The following FNDC3B variants were observed in gnomAD, a reference collection of about 807,000 sequenced individuals.
FNDC3B encodes the protein fibronectin type III domain-containing protein 3B.
A neutral mutation model predicts 151.5 loss-of-function variants in FNDC3B; 12 were observed. The ratio of observed to expected loss-of-function variants is 0.08; its 90% confidence interval spans 0.05 to 0.13. The LOEUF (loss-of-function observed/expected upper bound fraction) is 0.13. Among genes scored for constraint, FNDC3B ranks in the 10% least tolerant of loss-of-function variants. FNDC3B has a pLI of 1.00. For missense variants in FNDC3B, 1,214 were observed against 1,505.3 expected (o/e 0.81, Z 3.20); for synonymous variants, 528 against 549.0 (o/e 0.96, Z 0.54).
At chr3:172,345,312 A>T (rs1430813317) in intron 19 of FNDC3B, among the ~76,000 whole-genome samples, 1 of 152,220 alleles carries the variant, frequency 6.6e-6, no homozygotes, top group African/African-American at 2.4e-5. Context: ...TGATGAGCAC[A>T]CTGTTGTGTC....
chr3:172,246,613 A>G (rs1727790269), intron 4 of FNDC3B, among the ~76,000 whole-genome samples: 1 of 152,194 alleles, frequency 6.6e-6, no homozygotes, highest in Non-Finnish European at 1.5e-5. Flanking sequence ...GGAGCTGGGC[A>G]CGGTCGTGCA....
At chr3:172,227,801 C>T (rs1726666101) in intron 4 of FNDC3B, among the ~76,000 whole-genome samples, 3 of 152,176 alleles carry the variant, frequency 2.0e-5, no homozygotes, top group African/African-American at 7.2e-5. Context: ...TGATTATATC[C>T]TTCCAGATGG....
chr3:172,076,670 A>G (rs1050611992), intron 1 of FNDC3B, among the ~76,000 whole-genome samples: 1 of 112,956 alleles, frequency 8.9e-6, no homozygotes, highest in Non-Finnish European at 2.1e-5. Flanking sequence ...ATCAAAATAC[A>G]GAAATATGAA....
At chr3:172,049,442 T>C (rs1393703492) in intron 1 of FNDC3B, among the ~76,000 whole-genome samples, 1 of 152,202 alleles carries the variant, frequency 6.6e-6, no homozygotes, top group Non-Finnish European at 1.5e-5. Flanking sequence ...AGATAATCTA[T>C]CCTGAATAGC....
chr3:172,132,966 T>G (rs1422618365), intron 2 of FNDC3B, among the ~76,000 whole-genome samples: 1 of 152,226 alleles, frequency 6.6e-6, no homozygotes, highest in African/African-American at 2.4e-5. Context: ...CTGTTCATTA[T>G]TGTCTTAAGA....
intron 1 of FNDC3B, among the ~76,000 whole-genome samples, chr3:172,041,588 C>T (rs866271624): frequency 6.0e-5 from 9 of 151,216 alleles, no homozygotes; most frequent in African/African-American, 1.9e-4. Flanking sequence ...GCAGACAGAC[C>T]CGGAAGAAAA....
chr3:172,363,856 T>C (rs1365473047), intron 23 of FNDC3B, among the ~76,000 whole-genome samples: 1 of 152,190 alleles, frequency 6.6e-6, no homozygotes, highest in African/African-American at 2.4e-5. Flanking sequence ...AGAAGCATAG[T>C]ATCAATTTTT....
chr3:172,200,544 A>G (rs1725093244), intron 3 of FNDC3B, among the ~76,000 whole-genome samples: 1 of 152,220 alleles, frequency 6.6e-6, no homozygotes, highest in Admixed American at 6.5e-5. Context: ...TCAATACTTT[A>G]TTATAAAATA....
At chr3:172,145,722 T>G (rs552940675) in intron 3 of FNDC3B, among the ~76,000 whole-genome samples, 1 of 152,308 alleles carries the variant, frequency 6.6e-6, no homozygotes, top group Non-Finnish European at 1.5e-5. Flanking sequence ...TAGGCAATGC[T>G]AGAACTGAGC....
At chr3:172,285,123 A>C (rs1411192984) in intron 6 of FNDC3B, among the ~76,000 whole-genome samples, 1 of 152,084 alleles carries the variant, frequency 6.6e-6, no homozygotes, top group Non-Finnish European at 1.5e-5. Flanking sequence ...ATTAAAAGGC[A>C]CCGTCATCCA....
chr3:172,139,020 G>A (rs1721496099), intron 3 of FNDC3B, among the ~76,000 whole-genome samples: 1 of 152,196 alleles, frequency 6.6e-6, no homozygotes, highest in Non-Finnish European at 1.5e-5. Context: ...CAGTGGCTCT[G>A]TGAATGACAC....
Position 172,397,755 on chromosome 3 carries a change from A to G in FNDC3B, c.*280A>G, listed in dbSNP as rs1736365858. ...CTTATGTTTTCCTTTAAATTTTCAG[A>G]TTTACCTTCATTCTGTTTTCACTGA... On this transcript the variant is annotated 3_prime_UTR_variant, in exon 26 of 26. Coordinates refer to ENST00000415807, the MANE Select transcript of FNDC3B (RefSeq NM_022763.4). 1 of 206,400 alleles carries G rather than the reference A, an allele frequency of 4.8e-6. No homozygotes were observed. Among genetic ancestry groups the G allele is most frequent in the Admixed American group, 5.9e-5 (1 of 16,996 alleles). The allele number at this position is 206,400 out of a possible 1,614,324, so 12.8% of individuals were successfully genotyped here.
At chr3:172,245,011 A>G (rs866064517) in intron 4 of FNDC3B, among the ~76,000 whole-genome samples, 2 of 152,200 alleles carry the variant, frequency 1.3e-5, no homozygotes, top group Non-Finnish European at 2.9e-5. Flanking sequence ...GGGTTTCATT[A>G]TGCATGCACA....
chr3:172,242,575 CCCTTTCAGTCATGACTGGAGT>C (rs1040682136), intron 4 of FNDC3B, among the ~76,000 whole-genome samples: 3 of 152,176 alleles, frequency 2.0e-5, no homozygotes, highest in African/African-American at 4.8e-5. Context: ...GTACCTTGGC[CCCTTTCAGTCATGACTGGAGT>C]GGCTGGGATG....
In FNDC3B at chr3:172,251,295, A is replaced by T. The variant is rs758482752; in HGVS notation, c.544A>T (p.Thr182Ser). The change falls in exon 6 of 26, where the codon ACC becomes TCC. Residue 182 changes from threonine to serine, a missense_variant. Transcript: ENST00000415807. ...IPFYGMSTYITREDQYSKPPH... is the reference protein window; with the variant it reads ...IPFYGMSTYISREDQYSKPPH... ...ATTTTATGGAATGTCAACCTACATC[A>T]CCCGAGAAGACCAGTACAGCAAGCC... The T allele has an allele frequency of 5.6e-6, 9 of 1,613,036 alleles. No individual in the cohort carries two copies. The highest frequency in any genetic ancestry group is 6.8e-6 in the Non-Finnish European group (8 of 1,179,274).
At chr3:172,183,717 T>G (rs1724034138) in intron 3 of FNDC3B, among the ~76,000 whole-genome samples, 1 of 152,196 alleles carries the variant, frequency 6.6e-6, no homozygotes, top group Admixed American at 6.5e-5. Flanking sequence ...TTCAACTATA[T>G]TATAAAATTA....
intron 1 of FNDC3B, among the ~76,000 whole-genome samples, chr3:172,073,945 G>A (rs1488434259): frequency 6.6e-6 from 1 of 151,902 alleles, no homozygotes; most frequent in African/African-American, 2.4e-5. Context: ...TGACCCTTAA[G>A]AAATGTTGTC....
chr3:172,110,128 C>G (rs897977851), intron 1 of FNDC3B, among the ~76,000 whole-genome samples: 1 of 152,104 alleles, frequency 6.6e-6, no homozygotes, highest in Non-Finnish European at 1.5e-5. Context: ...CAATGCCTAC[C>G]AGAAGGTTAG....
chr3:172,220,023 G>C (rs7625948), intron 3 of FNDC3B, among the ~76,000 whole-genome samples: 116,615 of 152,120 alleles, frequency 0.77, 44,944 homozygotes, highest in African/African-American at 0.82. Flanking sequence ...CCTAATACAA[G>C]TAAAAGTGGA....
Sources: gnomAD v4.1 joint callset for allele counts (sites outside exome capture counted in the v4.1 genomes callset) on GRCh38, gnomAD v4.1.1 for gene constraint, MANE v1.5 for transcripts, NCBI Gene and HGNC (gene_info 2026-07-23, HGNC 2026-07-21) for gene names.